The following TMEM202 variants were observed in gnomAD, a reference collection of about 807,000 sequenced individuals.
The protein encoded by TMEM202 is transmembrane protein 202.
A neutral mutation model predicts 26.1 loss-of-function variants in TMEM202; 25 were observed. That is an observed-to-expected ratio of 0.96 (90% CI 0.70 to 1.34). The LOEUF is 1.34. Among genes scored for constraint, TMEM202 ranks in the 40% most tolerant of loss-of-function variants. The pLI is 0.00. For synonymous variants in TMEM202, 122 were observed against 119.0 expected (o/e 1.02, Z -0.16); for missense variants, 301 against 327.7 (o/e 0.92, Z 0.63).
chr15:72,405,503 A>C (rs534858571), intron 2 of TMEM202, among the ~76,000 whole-genome samples: 1 of 152,308 alleles, frequency 6.6e-6, no homozygotes, highest in East Asian at 1.9e-4. Flanking sequence ...GCAGTGGCAG[A>C]GCCAAAGAGA....
intron 1 of TMEM202, 94 bp downstream of exon 1, chr15:72,398,501 C>T (rs2063531973): frequency 1.4e-6 from 2 of 1,419,288 alleles, no homozygotes; most frequent in Admixed American, 5.3e-5. Flanking sequence ...AAAAGATCAC[C>T]CTGAAAATTG....
In TMEM202 at chr15:72,407,711, T is replaced by C. The variant is rs371706800; in HGVS notation, c.640T>C (p.Tyr214His). ...MFAGIISLLN[Y>H]LTSRSPACDE... ...CGTAGGGATCATCTCTCTTCTCAAC[T>C]ACTTAACTTCCAGATCGCCTGCCTG... is the stretch of plus-strand genomic sequence containing the variant. The change falls in exon 5 of 5, where the codon TAC becomes CAC. Residue 214 changes from tyrosine (Y) to histidine (H), a missense_variant. Transcript: ENST00000341689. 2 of 1,613,926 alleles carry C rather than the reference T, an allele frequency of 1.2e-6. No homozygotes were observed. The highest frequency in any genetic ancestry group is 1.7e-6 in the Non-Finnish European group (2 of 1,179,832).
chr15:72,407,932 A>G lies in TMEM202; in HGVS notation c.*39A>G. The G allele has an allele frequency of 1.3e-6, 2 of 1,560,408 alleles. No homozygotes were observed. The highest frequency in any genetic ancestry group is 1.8e-6 in the Non-Finnish European group (2 of 1,138,794). ...CTATAGCTTGTCTTAAAAGCAGGGGAGAAGCTGAGTTGGGAATGGTCACAT... is the reference window on the plus strand; with the variant it reads ...CTATAGCTTGTCTTAAAAGCAGGGGGGAAGCTGAGTTGGGAATGGTCACAT... On this transcript the variant is annotated 3_prime_UTR_variant, in exon 5 of 5. Transcript: ENST00000341689.
chr15:72,403,510 G>A (rs2063558027), intron 2 of TMEM202, among the ~76,000 whole-genome samples: 1 of 152,148 alleles, frequency 6.6e-6, no homozygotes, highest in Admixed American at 6.5e-5. Flanking sequence ...TGACACAGGG[G>A]TGTTCGTTTT....
intron 2 of TMEM202, among the ~76,000 whole-genome samples, chr15:72,400,404 T>C (rs1444516514): frequency 6.6e-6 from 1 of 152,210 alleles, no homozygotes; most frequent in Non-Finnish European, 1.5e-5. Flanking sequence ...GCCATGCAAA[T>C]TGGTATAACT....
intron 2 of TMEM202, among the ~76,000 whole-genome samples, chr15:72,400,167 A>C (rs1021247210): frequency 6.6e-6 from 1 of 152,268 alleles, no homozygotes; most frequent in Admixed American, 6.5e-5. Flanking sequence ...AAAAGGATAC[A>C]CAAAGTATTA....
At chr15:72,404,573 T>G (rs1366005778) in intron 2 of TMEM202, among the ~76,000 whole-genome samples, 3 of 152,306 alleles carry the variant, frequency 2.0e-5, no homozygotes, top group African/African-American at 7.2e-5. Flanking sequence ...AGTCACTTTG[T>G]CATTCAGCTT....
chr15:72,401,073 A>G (rs977838218), intron 2 of TMEM202, among the ~76,000 whole-genome samples: 1 of 152,162 alleles, frequency 6.6e-6, no homozygotes, highest in Admixed American at 6.5e-5. Context: ...ATCAGAGGTC[A>G]CTTTTGTTGC....
intron 4 of TMEM202, 34 bp from the exon 5 acceptor site, chr15:72,407,657 T>A: frequency 6.3e-7 from 1 of 1,599,684 alleles, no homozygotes; most frequent in Non-Finnish European, 8.6e-7. Flanking sequence ...CCATTGCCTA[T>A]TGAACCTCAC....
rs371844489 is a variant in TMEM202, at chr15:72,407,580, G to T, written c.620-111G>T. ...AGTAACTCCACTGGGGGAGAGAGGG[G>T]TTCACTGAAAAGATGCCTCTTGAAC... On this transcript the variant is annotated intron_variant, in intron 4 of 4. Coordinates refer to ENST00000341689, the MANE Select transcript of TMEM202 (RefSeq NM_001080462.3). 6.6e-6 allele frequency: 6 copies of T among 908,434 alleles called. No homozygotes were observed. In the South Asian group the frequency reaches 7.8e-5, roughly 12 times the overall value. 56.3% of individuals were successfully genotyped at this position (908,434 alleles called of 1,614,324 possible). A position where few individuals can be genotyped will look rare whatever the true frequency, so the allele number is the denominator to read the frequency against.
chr15:72,403,851 A>G (rs796165400), intron 2 of TMEM202, among the ~76,000 whole-genome samples: 4 of 152,334 alleles, frequency 2.6e-5, no homozygotes, highest in African/African-American at 9.6e-5. Flanking sequence ...TGGGAAGGTT[A>G]GACTCTTCTA....
At chr15:72,406,027 A>G (rs898741417) in intron 2 of TMEM202, among the ~76,000 whole-genome samples, 6 of 152,200 alleles carry the variant, frequency 3.9e-5, no homozygotes, top group Admixed American at 2.0e-4. Flanking sequence ...AAACCAATGG[A>G]ACTAAACAAT....
intron 2 of TMEM202, among the ~76,000 whole-genome samples, chr15:72,402,730 AGGCACTG>A (rs2140357375): frequency 6.6e-6 from 1 of 152,284 alleles, no homozygotes; most frequent in South Asian, 2.1e-4. Context: ...CTTTTTGTCA[AGGCACTG>A]GGCACCCTAG....
intron 2 of TMEM202, 134 bp from the exon 3 acceptor site, chr15:72,406,468 A>G: frequency 1.5e-6 from 1 of 645,858 alleles, no homozygotes; most frequent in Non-Finnish European, 2.6e-6. Context: ...TTCCAAGCAA[A>G]AAGGATGTCA....
rs541364804 is a variant in TMEM202, at chr15:72,406,988, G to A, written c.488-98G>A. ...CCAGGTTTTTATCTTTTTGATCCTCGCTATACATATGGCCTCTGGAGGCCA... is the reference window on the plus strand; with the variant it reads ...CCAGGTTTTTATCTTTTTGATCCTCACTATACATATGGCCTCTGGAGGCCA... On this transcript the variant is annotated intron_variant, in intron 3 of 4. Coordinates refer to ENST00000341689, the MANE Select transcript of TMEM202 (RefSeq NM_001080462.3). 1,014 of 1,497,682 alleles carry A rather than the reference G, an allele frequency of 6.8e-4. 1 individual carries two copies. The highest frequency in any genetic ancestry group is 8.2e-4 in the Non-Finnish European group (910 of 1,110,450). The allele number at this position is 1,497,682 out of a possible 1,614,324, so 92.8% of individuals were successfully genotyped here.
chr15:72,402,893 AG>A (rs1322022467), intron 2 of TMEM202, among the ~76,000 whole-genome samples: 1 of 152,136 alleles, frequency 6.6e-6, no homozygotes, highest in African/African-American at 2.4e-5. Flanking sequence ...GTCTCCACCC[AG>A]GATCATTTCC....
chr15:72,399,036 T>A (rs1219986148), intron 2 of TMEM202, 128 bp downstream of exon 2: 1 of 1,132,534 alleles, frequency 8.8e-7, no homozygotes, highest in African/African-American at 1.5e-5. Flanking sequence ...GCAGGATGGA[T>A]CTTTCTTTGG....
intron 2 of TMEM202, among the ~76,000 whole-genome samples, chr15:72,403,205 G>A (rs918903298): frequency 6.6e-6 from 1 of 152,098 alleles, no homozygotes; most frequent in African/African-American, 2.4e-5. Flanking sequence ...TTCTGGTTGG[G>A]TGATGCCCCC....
chr15:72,402,232 C>T (rs568834366), intron 2 of TMEM202, among the ~76,000 whole-genome samples: 18 of 152,332 alleles, frequency 1.2e-4, no homozygotes, highest in Non-Finnish European at 2.1e-4. Context: ...TCCCAAAGTG[C>T]TCAGATTACA....
Sources: gnomAD v4.1 joint callset for allele counts (sites outside exome capture counted in the v4.1 genomes callset) on GRCh38, gnomAD v4.1.1 for gene constraint, MANE v1.5 for transcripts, NCBI Gene and HGNC (gene_info 2026-07-23, HGNC 2026-07-21) for gene names.